Variants in DNAH14 observed in about 807,000 individuals in gnomAD.
DNAH14 encodes axonemal beta dynein heavy chain 14.
A neutral mutation model predicts 520.9 loss-of-function variants in DNAH14; 478 were observed. The ratio of observed to expected loss-of-function variants is 0.92; its 90% CI spans 0.85 to 0.99. The LOEUF (loss-of-function observed/expected upper bound fraction) is 0.99, where lower values mean the gene tolerates loss of function less well. Ranked by LOEUF, DNAH14 falls within the 50% of genes least tolerant of loss-of-function variation. DNAH14 has a pLI of 0.00. For synonymous variants in DNAH14, 1,581 were observed against 1,757.2 expected (o/e 0.90, Z 2.51); for missense variants, 4,831 against 5,234.5 (o/e 0.92, Z 2.38).
At chr1:225,084,810 T>A (rs377511882) in intron 20 of DNAH14, among the ~76,000 whole-genome samples, 1 of 120,054 alleles carries the variant, frequency 8.3e-6, no homozygotes, top group Non-Finnish European at 1.9e-5. Context: ...TTCACTTCAC[T>A]GAAATTTTGC....
In DNAH14 at chr1:225,023,661, C is replaced by G; in HGVS notation, c.1154C>G (p.Ser385Cys). 1.3e-6 allele frequency: 2 copies of G among 1,547,306 alleles called. No homozygotes were observed. The highest frequency in any genetic ancestry group is 8.7e-7 in the Non-Finnish European group (1 of 1,144,516). The change falls in exon 11 of 86, where the codon TCT (serine) becomes TGT (cysteine). Residue 385 changes from serine to cysteine, a missense_variant. Transcript: ENST00000682510. Reference sequence around the variant, plus strand: ...AAAGAGTATTTTGAGTCAAAACTCTCTGAAGATGACACAACACATTTCAAG... The same window carrying G: ...AAAGAGTATTTTGAGTCAAAACTCTGTGAAGATGACACAACACATTTCAAG... The part of the protein sequence containing the change: ...EIKEYFESKL[S>C]EDDTTHFKLP...
At chr1:225,184,480 T>C (rs1324141308) in intron 36 of DNAH14, among the ~76,000 whole-genome samples, 1 of 151,874 alleles carries the variant, frequency 6.6e-6, no homozygotes, top group East Asian at 1.9e-4. Context: ...ATTAGCCAGC[T>C]GTGATGGCAC....
chr1:225,282,204 T>G (rs923975406), intron 54 of DNAH14, among the ~76,000 whole-genome samples: 1 of 152,148 alleles, frequency 6.6e-6, no homozygotes, highest in African/African-American at 2.4e-5. Context: ...GCAGACAAGT[T>G]TCAAAGAGAA....
At chr1:224,949,006 A>G (rs2060009109) in intron 1 of DNAH14, among the ~76,000 whole-genome samples, 1 of 152,058 alleles carries the variant, frequency 6.6e-6, no homozygotes, top group African/African-American at 2.4e-5. Flanking sequence ...GAGACCTTTC[A>G]CTTGGGATCA....
Position 224,955,060 on chromosome 1 carries a change from GA to G in DNAH14, c.181del (p.Thr61HisfsTer6). The G allele has an allele frequency of 6.2e-7, 1 of 1,611,488 alleles. No homozygotes were observed. Among genetic ancestry groups the G allele is most frequent in the Non-Finnish European group, 8.5e-7 (1 of 1,178,474 alleles). On this transcript the variant is annotated frameshift_variant, in exon 3 of 86. Coordinates refer to ENST00000682510, the MANE Select transcript of DNAH14 (RefSeq NM_001367479.1). LOFTEE classifies it high-confidence loss of function. ...GAAACATTGGAATATAAAACAGTTA[GA>G]ACATTCTCTGAATCTTTGAAGTCAG... ...EKETLEYKTV[R>X]TFSESLKSEK...
At chr1:225,097,788 T>C (rs1014024437) in intron 22 of DNAH14, among the ~76,000 whole-genome samples, 7 of 151,814 alleles carry the variant, frequency 4.6e-5, no homozygotes, top group Admixed American at 6.6e-5. Context: ...AAAAAAAGTG[T>C]CAGATACATC....
chr1:224,995,644 C>G (rs1345079281), intron 8 of DNAH14, among the ~76,000 whole-genome samples: 1 of 152,116 alleles, frequency 6.6e-6, no homozygotes, highest in Admixed American at 6.5e-5. Flanking sequence ...CCTGTCTTCT[C>G]ATTTTTCTAC....
chr1:224,977,159 TA>T (rs1306083492), intron 8 of DNAH14, among the ~76,000 whole-genome samples: 1 of 151,858 alleles, frequency 6.6e-6, no homozygotes, highest in Non-Finnish European at 1.5e-5. Context: ...TATGCAGCCA[TA>T]AAAAAGGATG....
At chr1:224,990,504 T>G (rs954123025) in intron 8 of DNAH14, among the ~76,000 whole-genome samples, 1 of 152,176 alleles carries the variant, frequency 6.6e-6, no homozygotes, top group Admixed American at 6.5e-5. Context: ...ACCATCCTAC[T>G]CCCTGCTTTT....
In DNAH14 at chr1:225,209,925, G is replaced by T. The variant is rs186301434; in HGVS notation, c.6439+2705G>T. ...AGGGAACTCCCTCCCCTAGCCAAGA[G>T]AAGTTGTGAGGGACAATGCCATGAG... On this transcript the variant is annotated intron_variant, in intron 41 of 85. Transcript: ENST00000682510. Among the ~76,000 whole-genome samples, 318 of 152,236 alleles carry T rather than the reference G, an allele frequency of 2.1e-3. 2 individuals carry two copies. The highest frequency in any genetic ancestry group is 3.8e-3 in the Non-Finnish European group (258 of 68,010).
chr1:225,082,515 T>C (rs979950545), intron 19 of DNAH14, 34 bp from the exon 20 acceptor site: 1 of 1,411,018 alleles, frequency 7.1e-7, no homozygotes, highest in Non-Finnish European at 9.4e-7. Flanking sequence ...ATAATGAACA[T>C]ATTATAAGCC....
intron 84 of DNAH14, 26 bp downstream of exon 84, chr1:225,392,477 A>G: frequency 6.5e-7 from 1 of 1,550,184 alleles, no homozygotes; most frequent in East Asian, 2.4e-5. Flanking sequence ...AAGGATTAGA[A>G]ACGGTGATCA....
chr1:225,058,837 G>A (rs113917080), intron 17 of DNAH14, among the ~76,000 whole-genome samples: 8,398 of 152,180 alleles, frequency 0.055, 472 homozygotes, highest in East Asian at 0.24. Flanking sequence ...GTGGTTGAGC[G>A]GTTTTGAGTG....
chr1:225,207,275 A>G (rs1008712317), intron 41 of DNAH14, 55 bp downstream of exon 41: 1 of 1,405,350 alleles, frequency 7.1e-7, no homozygotes, highest in Non-Finnish European at 9.3e-7. Context: ...GTCAATGCTA[A>G]TTCATCACCG....
At chr1:224,966,029 A>G (rs2061148736) in intron 5 of DNAH14, among the ~76,000 whole-genome samples, 1 of 152,120 alleles carries the variant, frequency 6.6e-6, no homozygotes, top group African/African-American at 2.4e-5. Context: ...TATTTGGAAG[A>G]TTTGTATCTA....
intron 27 of DNAH14, among the ~76,000 whole-genome samples, chr1:225,129,634 G>A (rs1414053871): frequency 1.3e-5 from 2 of 151,912 alleles, no homozygotes; most frequent in Admixed American, 6.6e-5. Flanking sequence ...GCTGAAACTG[G>A]ATCCCTTCCT....
intron 54 of DNAH14, among the ~76,000 whole-genome samples, chr1:225,279,823 T>C (rs774159735): frequency 2.0e-5 from 3 of 151,838 alleles, no homozygotes; most frequent in Non-Finnish European, 4.4e-5. Flanking sequence ...AGGAACTGTC[T>C]TGAAGGGGAT....
intron 17 of DNAH14, among the ~76,000 whole-genome samples, chr1:225,052,893 G>A (rs2068680555): frequency 1.3e-5 from 2 of 152,122 alleles, no homozygotes; most frequent in South Asian, 2.1e-4. Context: ...GGGCTAGTAT[G>A]GTTGGCTTCA....
At chr1:225,010,070 A>G (rs1372911117) in intron 10 of DNAH14, among the ~76,000 whole-genome samples, 1 of 152,096 alleles carries the variant, frequency 6.6e-6, no homozygotes, top group Non-Finnish European at 1.5e-5. Flanking sequence ...CTCTCTTCCT[A>G]TTTGAATACG....
Sources: gnomAD v4.1 joint callset for allele counts (sites outside exome capture counted in the v4.1 genomes callset) on GRCh38, gnomAD v4.1.1 for gene constraint, MANE v1.5 for transcripts, NCBI Gene and HGNC (gene_info 2026-07-23, HGNC 2026-07-21) for gene names.